The following SLC25A21 variants were observed in gnomAD, a reference collection of about 807,000 sequenced individuals.
SLC25A21 encodes the protein solute carrier family 25 member 21.
In SLC25A21, 47 loss-of-function variants were observed where a neutral mutation model predicts 43.8. The observed-to-expected ratio is 1.07, with a 90% CI of 0.85 to 1.37. The LOEUF is 1.37. SLC25A21 is among the 40% of genes most tolerant of loss of function. The probability of loss-of-function intolerance (pLI) is 0.00; values close to 1 mark genes in which losing one functional copy is unlikely to be tolerated. For synonymous variants in SLC25A21, 131 were observed against 121.3 expected, an observed-to-expected ratio of 1.08 and a Z score of -0.52; for missense variants, 352 against 350.2, an observed-to-expected ratio of 1.00 and a Z score of -0.04.
At chr14:37,042,032 G>A (rs1254587647) in intron 1 of SLC25A21, among the ~76,000 whole-genome samples, 1 of 152,178 alleles carries the variant, frequency 6.6e-6, no homozygotes, top group Admixed American at 6.5e-5. Context: ...ATTTCTGCTA[G>A]GAAAAGTGCT....
At position 37,015,242 on chromosome 14, in the gene SLC25A21, C is replaced by T. The variant is rs985792542; in HGVS notation, c.71-140238G>A. 1.3e-4 allele frequency among the ~76,000 whole-genome samples: 17 copies of T among 131,806 alleles called. No individual in the cohort carries two copies. In the South Asian group the frequency reaches 1.5e-3, roughly 12 times the overall value. The allele number at this position is 131,806 out of a possible 152,430, so 86.5% of individuals were successfully genotyped here. A position where few individuals can be genotyped will look rare whatever the true frequency, so the allele number is the denominator to read the frequency against. The stretch of plus-strand genomic sequence containing the variant: ...GAGTGTGATGTTCCCCTTCCTGTGT[C>T]CATGTGTTCTCATTGTTCAATTCCC... On this transcript the variant is annotated intron_variant, in intron 1 of 9. Transcript: ENST00000331299.
At chr14:37,156,000 A>G (rs769468889) in intron 1 of SLC25A21, among the ~76,000 whole-genome samples, 24 of 151,998 alleles carry the variant, frequency 1.6e-4, no homozygotes, top group Non-Finnish European at 2.9e-4. Flanking sequence ...CTCTACTAAA[A>G]ATACAAAAAT....
At chr14:36,944,691 T>C (rs1047521695) in intron 1 of SLC25A21, among the ~76,000 whole-genome samples, 1 of 152,212 alleles carries the variant, frequency 6.6e-6, no homozygotes, top group Non-Finnish European at 1.5e-5. Context: ...AGAATTCATA[T>C]GTGCCTCCTT....
intron 2 of SLC25A21, among the ~76,000 whole-genome samples, chr14:36,828,268 G>C (rs1007256365): frequency 6.6e-6 from 1 of 152,166 alleles, no homozygotes; most frequent in African/African-American, 2.4e-5. Flanking sequence ...GATACATCCA[G>C]GGATACTCCC....
At chr14:36,817,214 T>C (rs967805623) in intron 2 of SLC25A21, among the ~76,000 whole-genome samples, 9 of 140,414 alleles carry the variant, frequency 6.4e-5, no homozygotes, top group African/African-American at 2.4e-4. Flanking sequence ...GAAAGAAATA[T>C]GAAAAAAAAA....
intron 3 of SLC25A21, among the ~76,000 whole-genome samples, chr14:36,801,447 C>T (rs1431471989): frequency 6.6e-6 from 1 of 152,144 alleles, no homozygotes; most frequent in East Asian, 1.9e-4. Flanking sequence ...GACTCTTTCC[C>T]CCAACACTTC....
intron 1 of SLC25A21, among the ~76,000 whole-genome samples, chr14:37,139,509 C>T (rs1963536466): frequency 6.6e-6 from 1 of 151,930 alleles, no homozygotes; most frequent in Admixed American, 6.6e-5. Flanking sequence ...TACCTTTATC[C>T]CTCCATATAT....
chr14:36,959,924 T>C (rs80215109), intron 1 of SLC25A21, among the ~76,000 whole-genome samples: 1 of 152,304 alleles, frequency 6.6e-6, no homozygotes, highest in East Asian at 1.9e-4. Flanking sequence ...TTGCTGATCA[T>C]ATAATGTCCA....
At chr14:36,758,913 T>C (rs1886037410) in intron 3 of SLC25A21, among the ~76,000 whole-genome samples, 2 of 152,170 alleles carry the variant, frequency 1.3e-5, no homozygotes, top group South Asian at 4.1e-4. Context: ...CGGCAAGGGA[T>C]GATTTAGCTT....
At chr14:36,775,048 G>C (rs1000966092) in intron 3 of SLC25A21, among the ~76,000 whole-genome samples, 2 of 152,122 alleles carry the variant, frequency 1.3e-5, no homozygotes, top group Non-Finnish European at 2.9e-5. Context: ...AAATTAATAA[G>C]TATAATAACA....
At chr14:37,033,976 C>A (rs1365821165) in intron 1 of SLC25A21, among the ~76,000 whole-genome samples, 1 of 151,848 alleles carries the variant, frequency 6.6e-6, no homozygotes, top group Non-Finnish European at 1.5e-5. Flanking sequence ...AATAAGGTTC[C>A]CAAATGGCAC....
intron 1 of SLC25A21, among the ~76,000 whole-genome samples, chr14:37,020,113 A>G (rs1002742454): frequency 7.2e-5 from 11 of 151,960 alleles, no homozygotes; most frequent in Non-Finnish European, 2.9e-5. Context: ...TGTAGTTTTA[A>G]GAATGCCAGC....
chr14:37,062,273 A>G (rs1961963309), intron 1 of SLC25A21, among the ~76,000 whole-genome samples: 1 of 152,180 alleles, frequency 6.6e-6, no homozygotes, highest in South Asian at 2.1e-4. Context: ...ATCATACCAC[A>G]TCCCCATGGT....
At chr14:36,953,274 G>GC (rs1270518445) in intron 1 of SLC25A21, among the ~76,000 whole-genome samples, 5 of 152,160 alleles carry the variant, frequency 3.3e-5, no homozygotes. Flanking sequence ...GGCAGGCTGA[G>GC]CTAAATAACA....
rs949465098 is a variant in SLC25A21, at chr14:36,821,363, C to G, written c.120-7362G>C. 4.7e-5 allele frequency among the ~76,000 whole-genome samples: 7 copies of G among 148,232 alleles called. 1 individual carries two copies. Among genetic ancestry groups the G allele is most frequent in the Admixed American group, 1.3e-4 (2 of 14,920 alleles). On this transcript the variant is annotated intron_variant, in intron 2 of 9. Transcript: ENST00000331299. ...TGGTTTTGAAGATAGTTTTTTTTAG[C>G]AAGTACTGGGCAGGGTGGGGTGGGG... is the stretch of plus-strand genomic sequence containing the variant.
chr14:36,800,580 G>A (rs1194853377), intron 3 of SLC25A21, among the ~76,000 whole-genome samples: 1 of 152,124 alleles, frequency 6.6e-6, no homozygotes, highest in Non-Finnish European at 1.5e-5. Flanking sequence ...AGGGGCTGTG[G>A]GGAGGGAGAA....
intron 1 of SLC25A21, among the ~76,000 whole-genome samples, chr14:36,962,926 G>A (rs1959528641): frequency 6.6e-6 from 1 of 152,182 alleles, no homozygotes; most frequent in Admixed American, 6.5e-5. Flanking sequence ...GGTAGAGATA[G>A]TAGGTATGTT....
At chr14:37,068,762 G>T (rs1046458201) in intron 1 of SLC25A21, among the ~76,000 whole-genome samples, 2 of 152,106 alleles carry the variant, frequency 1.3e-5, no homozygotes, top group Admixed American at 1.3e-4. Context: ...CATGTAACAG[G>T]CATAAAGATC....
At chr14:36,973,923 C>A (rs1252719452) in intron 1 of SLC25A21, among the ~76,000 whole-genome samples, 1 of 151,924 alleles carries the variant, frequency 6.6e-6, no homozygotes, top group Non-Finnish European at 1.5e-5. Context: ...ATTGCAAGGA[C>A]AAAGTCAAAT....
Sources: allele counts gnomAD v4.1 joint callset (sites outside exome capture counted in the v4.1 genomes callset), GRCh38; gene constraint gnomAD v4.1.1; transcripts MANE v1.5; gene names NCBI Gene and HGNC (gene_info 2026-07-23, HGNC 2026-07-21).